The following RANBP2 variants were observed in gnomAD, a reference collection of about 807,000 sequenced individuals.
RANBP2 encodes RAN binding protein 2.
RANBP2 carries 57 observed loss-of-function variants against 303.6 expected under a neutral mutation model. The ratio of observed to expected loss-of-function variants is 0.19; its 90% CI spans 0.15 to 0.23. RANBP2 has a LOEUF of 0.23. Among genes scored for constraint, RANBP2 ranks in the 10% least tolerant of loss-of-function variants. The pLI is 1.00. For synonymous variants in RANBP2, 1,167 were observed against 1,301.5 expected (o/e 0.90, Z 2.23); for missense variants, 3,138 against 3,780.8 (o/e 0.83, Z 4.46).
At chr2:108,840,315 T>C in the RANBP2 span, among the ~76,000 whole-genome samples, 1 of 150,684 alleles carries the variant, frequency 6.6e-6, no homozygotes, top group Non-Finnish European at 1.5e-5. Context: ...TGAACTCTCT[T>C]TGGTTTTGTA....
the RANBP2 span, among the ~76,000 whole-genome samples, chr2:109,657,820 A>G: frequency 3.5e-4 from 53 of 149,430 alleles, no homozygotes; most frequent in East Asian, 0.01. Flanking sequence ...CCTGGGCTCA[A>G]GTGATTCTCG....
the RANBP2 span, among the ~76,000 whole-genome samples, chr2:108,842,415 A>G: frequency 6.6e-6 from 1 of 152,138 alleles, no homozygotes; most frequent in African/African-American, 2.4e-5. Context: ...GAAGTCAGGA[A>G]GCACAGGCAG....
chr2:108,934,025 C>G, the RANBP2 span, among the ~76,000 whole-genome samples: 1 of 152,150 alleles, frequency 6.6e-6, no homozygotes, highest in Non-Finnish European at 1.5e-5. Flanking sequence ...CTAATTATAG[C>G]TGAGCCTCGG....
chr2:109,032,855 T>G, the RANBP2 span, among the ~76,000 whole-genome samples: 1 of 152,230 alleles, frequency 6.6e-6, no homozygotes, highest in African/African-American at 2.4e-5. Context: ...TTGCTGATTC[T>G]GTGGGCCTAA....
At chr2:109,581,776 C>A in the RANBP2 span, among the ~76,000 whole-genome samples, 1 of 152,078 alleles carries the variant, frequency 6.6e-6, no homozygotes, top group Non-Finnish European at 1.5e-5. Context: ...ACAAGATATG[C>A]CTGAGCTCAC....
the RANBP2 span, among the ~76,000 whole-genome samples, chr2:108,958,968 G>C: frequency 6.6e-6 from 1 of 152,242 alleles, no homozygotes; most frequent in Non-Finnish European, 1.5e-5. Flanking sequence ...AAGTCCTCAA[G>C]AAGTGGCCTC....
chr2:109,250,771 G>GA, the RANBP2 span, among the ~76,000 whole-genome samples: 18 of 149,704 alleles, frequency 1.2e-4, no homozygotes, highest in East Asian at 9.8e-4. Context: ...AGCTATTTTA[G>GA]AAAAAAAAAG....
At chr2:109,511,046 C>T in the RANBP2 span, among the ~76,000 whole-genome samples, 1 of 152,186 alleles carries the variant, frequency 6.6e-6, no homozygotes, top group Non-Finnish European at 1.5e-5. Context: ...GGAATTATGA[C>T]CATGCAATTT....
At chr2:109,564,355 C>A in the RANBP2 span, 3 of 1,523,736 alleles carry the variant, frequency 2.0e-6, no homozygotes, top group Non-Finnish European at 2.7e-6. Flanking sequence ...TTCCCAAGAA[C>A]CCCACCCTAC....
the RANBP2 span, among the ~76,000 whole-genome samples, chr2:109,262,828 T>C: frequency 6.6e-6 from 1 of 152,122 alleles, no homozygotes. Flanking sequence ...TACAAGACTT[T>C]CTTTTTTCTT....
chr2:109,685,295 C>T, the RANBP2 span, among the ~76,000 whole-genome samples: 1 of 152,172 alleles, frequency 6.6e-6, no homozygotes, highest in East Asian at 1.9e-4. Flanking sequence ...CTCATGAGTA[C>T]ATAGGTTCGC....
the RANBP2 span, among the ~76,000 whole-genome samples, chr2:109,424,235 G>C: frequency 6.6e-6 from 1 of 152,190 alleles, no homozygotes; most frequent in Admixed American, 6.5e-5. Flanking sequence ...CATTGGAAGT[G>C]AGCCAGCGCT....
In RANBP2 at chr2:108,768,069, T is replaced by C; in HGVS notation, c.7530T>C (p.Ser2510=). Residue 2510 remains serine (S), a synonymous_variant, in exon 20 of 29, where the codon TCT becomes TCC. Coordinates refer to ENST00000283195, the MANE Select transcript of RANBP2 (RefSeq NM_006267.5). ...AAACAACACCAAAAGCAGTGGTTTC[T>C]CCTCCAAAGTTTGTATTTGGTTCAG... ...TSETTPKAVV[S]PPKFVFGSES... 1 of 1,611,956 alleles carries C rather than the reference T, an allele frequency of 6.2e-7. No homozygotes were observed. The highest frequency in any genetic ancestry group is 8.5e-7 in the Non-Finnish European group (1 of 1,179,834).
At chr2:109,161,620 G>A in the RANBP2 span, among the ~76,000 whole-genome samples, 1 of 151,890 alleles carries the variant, frequency 6.6e-6, no homozygotes, top group South Asian at 2.1e-4. Flanking sequence ...TGGAAGACTG[G>A]GCAACTGGCA....
At chr2:109,587,112 T>C in the RANBP2 span, among the ~76,000 whole-genome samples, 139 of 152,194 alleles carry the variant, frequency 9.1e-4, no homozygotes, top group African/African-American at 3.3e-3. Flanking sequence ...ATAACAAATA[T>C]GCTAAAGAAT....
At chr2:108,725,642 C>T (rs992405217) in intron 1 of RANBP2, among the ~76,000 whole-genome samples, 4 of 152,038 alleles carry the variant, frequency 2.6e-5, no homozygotes, top group African/African-American at 9.7e-5. Flanking sequence ...CGCCTGTAGT[C>T]CCAGCTTGTA....
the RANBP2 span, chr2:108,846,911 TCTCAAAACAGTCA>T: frequency 2.5e-6 from 4 of 1,603,670 alleles, no homozygotes; most frequent in African/African-American, 5.4e-5. Context: ...CCTTAATTGT[TCTCAAAACAGTCA>T]CTCAAGGTAA....
the RANBP2 span, among the ~76,000 whole-genome samples, chr2:109,610,874 A>C: frequency 6.6e-6 from 1 of 152,212 alleles, no homozygotes; most frequent in Non-Finnish European, 1.5e-5. Context: ...GACGATTCTA[A>C]AACTTACACA....
At chr2:109,238,209 A>T in the RANBP2 span, among the ~76,000 whole-genome samples, 5 of 152,198 alleles carry the variant, frequency 3.3e-5, no homozygotes, top group Non-Finnish European at 7.3e-5. Context: ...TTAAAAAAAA[A>T]TAATAAAATA....
Sources: allele counts gnomAD v4.1 joint callset (sites outside exome capture counted in the v4.1 genomes callset), GRCh38; gene constraint gnomAD v4.1.1; transcripts MANE v1.5; gene names NCBI Gene and HGNC (gene_info 2026-07-23, HGNC 2026-07-21).